The following SNAP91 variants were observed in gnomAD, a reference collection of about 807,000 sequenced individuals.
SNAP91 encodes clathrin coat assembly protein AP180.
SNAP91 carries 27 observed loss-of-function variants against 100.3 expected under a neutral mutation model. The observed-to-expected ratio is 0.27, with a 90% CI of 0.20 to 0.37. The LOEUF is 0.37. Ranked by LOEUF, SNAP91 falls within the 10% of genes least tolerant of loss-of-function variation. The probability of loss-of-function intolerance (pLI) is 1.00; values close to 1 mark genes in which losing one functional copy is unlikely to be tolerated. For synonymous variants in SNAP91, 404 were observed against 398.6 expected (o/e 1.01, Z -0.16); for missense variants, 986 against 1,123.7 (o/e 0.88, Z 1.75).
At chr6:83,620,717 T>C (rs1037766757) in intron 9 of SNAP91, among the ~76,000 whole-genome samples, 4 of 151,906 alleles carry the variant, frequency 2.6e-5, no homozygotes, top group Admixed American at 1.3e-4. Context: ...TTTTTTTTTT[T>C]CTGTTTGTTT....
intron 1 of SNAP91, 187 bp from the exon 2 acceptor site, chr6:83,708,144 G>A (rs2099405586): frequency 4.0e-6 from 2 of 500,638 alleles, no homozygotes; most frequent in Non-Finnish European, 6.8e-6. Context: ...TCTTGGCCGT[G>A]AGTAGGGCCG....
chr6:83,607,770 T>A lies in SNAP91; in HGVS notation c.951A>T (p.Thr317=). ...GGGATGTGTCAATAGTTTTAGCTGGTGTAGAATTAGGAGACGTAACAGTTG... is the reference window on the plus strand; with the variant it reads ...GGGATGTGTCAATAGTTTTAGCTGGAGTAGAATTAGGAGACGTAACAGTTG... ...PATTVTSPNS[T]PAKTIDTSPP... is the part of the protein sequence containing the mutation. The change falls in exon 13 of 30, where the codon ACA becomes ACT. Residue 317 remains threonine (T), a synonymous_variant. Coordinates refer to ENST00000369694, the MANE Select transcript of SNAP91 (RefSeq NM_001242792.2). 6.3e-7 allele frequency: 1 copy of A among 1,594,298 alleles called. No homozygotes were observed. Among genetic ancestry groups the A allele is most frequent in the Non-Finnish European group, 8.5e-7 (1 of 1,170,138 alleles).
intron 13 of SNAP91, among the ~76,000 whole-genome samples, chr6:83,606,919 C>A (rs1309055374): frequency 6.6e-6 from 1 of 152,004 alleles, no homozygotes; most frequent in Non-Finnish European, 1.5e-5. Flanking sequence ...TTGGTTATGC[C>A]AAATTTGCTA....
At chr6:83,577,502 T>C (rs927232169) in intron 24 of SNAP91, among the ~76,000 whole-genome samples, 2 of 152,164 alleles carry the variant, frequency 1.3e-5, no homozygotes, top group Admixed American at 1.3e-4. Context: ...ACCTTACATA[T>C]GTATACATGA....
chr6:83,701,995 C>A (rs527855494), intron 2 of SNAP91, among the ~76,000 whole-genome samples: 53 of 152,242 alleles, frequency 3.5e-4, no homozygotes, highest in African/African-American at 1.2e-3. Flanking sequence ...TACCATTCAA[C>A]CAATCTTCCC....
intron 9 of SNAP91, among the ~76,000 whole-genome samples, chr6:83,618,695 GATA>G (rs1341233669): frequency 6.6e-6 from 1 of 151,864 alleles, no homozygotes; most frequent in East Asian, 1.9e-4. Flanking sequence ...CAGTGATGAT[GATA>G]ATGATGATGA....
At chr6:83,586,913 C>T (rs188548677) in intron 22 of SNAP91, among the ~76,000 whole-genome samples, 3 of 151,694 alleles carry the variant, frequency 2.0e-5, no homozygotes, top group East Asian at 2.0e-4. Context: ...TTTCACTATA[C>T]TGCATGCACC....
At chr6:83,697,790 A>G (rs114279178) in intron 2 of SNAP91, among the ~76,000 whole-genome samples, 3,216 of 152,298 alleles carry the variant, frequency 0.021, 93 homozygotes, top group African/African-American at 0.071. Context: ...TAGAAAGTTT[A>G]TGAGAAAACA....
chr6:83,581,511 T>C (rs960975423), intron 23 of SNAP91, among the ~76,000 whole-genome samples: 2 of 152,268 alleles, frequency 1.3e-5, no homozygotes, highest in African/African-American at 2.4e-5. Context: ...TCAAAAACTT[T>C]GTAGTTGTAA....
At chr6:83,641,967 G>C (rs898879007) in intron 7 of SNAP91, among the ~76,000 whole-genome samples, 7 of 152,102 alleles carry the variant, frequency 4.6e-5, no homozygotes, top group Non-Finnish European at 8.8e-5. Context: ...ATGCTTTGAA[G>C]AAAACCAGTA....
In SNAP91 at chr6:83,610,743, AT is replaced by A. The variant is rs1562331668; in HGVS notation, c.885-67del. ...TATATATATATATATATATATATAT[AT>A]ATAAATATATATGTGAATATATTTG... On this transcript the variant is annotated intron_variant, in intron 11 of 29. Transcript: ENST00000369694. The A allele has an allele frequency of 3.8e-4, 46 of 120,566 alleles. 1 individual carries two copies. Among genetic ancestry groups the A allele is most frequent in the East Asian group, 3.3e-3 (22 of 6,642 alleles). The allele number at this position is 120,566 out of a possible 1,614,324, so 7.5% of individuals were successfully genotyped here.
chr6:83,613,681 T>G (rs758423399), intron 11 of SNAP91, among the ~76,000 whole-genome samples: 5 of 152,168 alleles, frequency 3.3e-5, no homozygotes, highest in Non-Finnish European at 7.3e-5. Flanking sequence ...CAGTCCACAT[T>G]CCAACCCCCA....
chr6:83,703,714 C>G (rs1224135416), intron 2 of SNAP91, among the ~76,000 whole-genome samples: 2 of 152,112 alleles, frequency 1.3e-5, no homozygotes, highest in Non-Finnish European at 2.9e-5. Flanking sequence ...TCTCAAACAT[C>G]AGATTCAGAA....
At chr6:83,706,448 C>T (rs1188358740) in intron 2 of SNAP91, among the ~76,000 whole-genome samples, 1 of 152,216 alleles carries the variant, frequency 6.6e-6, no homozygotes, top group Non-Finnish European at 1.5e-5. Context: ...ACATATAATG[C>T]TGTAATCAAT....
chr6:83,554,443 CT>C (rs1429476357), intron 29 of SNAP91, among the ~76,000 whole-genome samples, 158 bp from the exon 30 acceptor site: 2 of 151,942 alleles, frequency 1.3e-5, no homozygotes, highest in African/African-American at 4.8e-5. Context: ...CTTTTCATAG[CT>C]CTTTAAAACA....
At chr6:83,658,455 GA>G (rs922935012) in intron 6 of SNAP91, among the ~76,000 whole-genome samples, 1 of 151,748 alleles carries the variant, frequency 6.6e-6, no homozygotes, top group Non-Finnish European at 1.5e-5. Flanking sequence ...TGAAAATGCA[GA>G]AAATTGGCCG....
chr6:83,598,000 C>T (rs944015050), intron 16 of SNAP91, among the ~76,000 whole-genome samples: 1 of 152,170 alleles, frequency 6.6e-6, no homozygotes, highest in East Asian at 1.9e-4. Context: ...TTGCAGACTA[C>T]TAACCTTATG....
intron 7 of SNAP91, among the ~76,000 whole-genome samples, chr6:83,647,079 T>G (rs2097952782): frequency 4.5e-5 from 1 of 22,044 alleles, no homozygotes; most frequent in Non-Finnish European, 8.4e-5. Flanking sequence ...GTTCCAGGAG[T>G]TTTTTTTTTT....
intron 7 of SNAP91, among the ~76,000 whole-genome samples, chr6:83,655,995 A>C (rs1057131068): frequency 9.9e-5 from 15 of 152,236 alleles, no homozygotes; most frequent in Admixed American, 9.8e-4. Flanking sequence ...TTGACAAAGA[A>C]AGAAATCTTC....
Sources: gnomAD v4.1 joint callset for allele counts (sites outside exome capture counted in the v4.1 genomes callset) on GRCh38, gnomAD v4.1.1 for gene constraint, MANE v1.5 for transcripts, NCBI Gene and HGNC (gene_info 2026-07-23, HGNC 2026-07-21) for gene names.